DPYD: variants seen among roughly 807,000 people sequenced by gnomAD.
The protein encoded by DPYD is dihydropyrimidine dehydrogenase.
In DPYD, 109 loss-of-function variants were observed where a neutral mutation model predicts 116.2. The ratio of observed to expected loss-of-function variants is 0.94; its 90% CI spans 0.80 to 1.10. The LOEUF is 1.10. DPYD is among the 50% of genes least tolerant of loss of function. The pLI, the probability that DPYD is intolerant of heterozygous loss-of-function variation, is 0.00. For missense variants in DPYD, 1,302 were observed against 1,254.5 expected (o/e 1.04, Z -0.57); for synonymous variants, 440 against 432.0 (o/e 1.02, Z -0.23).
At chr1:97,267,397 T>C (rs929536959) in intron 18 of DPYD, among the ~76,000 whole-genome samples, 7 of 152,160 alleles carry the variant, frequency 4.6e-5, no homozygotes, top group African/African-American at 1.7e-4. Flanking sequence ...GTATCAGTGA[T>C]TGAAGATCAG....
In DPYD at chr1:97,679,143, G is replaced by C. The variant is rs761479700; in HGVS notation, c.802C>G (p.Leu268Val). 27 of 1,592,046 alleles carry C rather than the reference G, an allele frequency of 1.7e-5. No individual in the cohort carries two copies. The highest frequency in any genetic ancestry group is 2.3e-5 in the Non-Finnish European group (27 of 1,167,256). Residue 268 changes from leucine to valine, a missense_variant, in exon 8 of 23, where the codon CTT becomes GTT. Transcript: ENST00000370192. Reference protein sequence around the residue: ...GKSLSVNEMTLSTLKEKGYKA... With the variant: ...GKSLSVNEMTVSTLKEKGYKA... ...TAGCCTTTTTCTTTCAAAGTGCTAAGAGTCATTTCATTCACTGAAAGGCTT... is the reference window on the plus strand; with the variant it reads ...TAGCCTTTTTCTTTCAAAGTGCTAACAGTCATTTCATTCACTGAAAGGCTT...
chr1:97,424,242 T>C (rs1674742832), intron 14 of DPYD, among the ~76,000 whole-genome samples: 2 of 152,088 alleles, frequency 1.3e-5, no homozygotes, highest in Admixed American at 6.6e-5. Flanking sequence ...ATTACACCTA[T>C]AGTAATGGGT....
intron 20 of DPYD, among the ~76,000 whole-genome samples, chr1:97,157,135 G>A (rs915661900): frequency 2.9e-5 from 4 of 137,200 alleles, no homozygotes; most frequent in Admixed American, 7.5e-5. Context: ...GGGGAGGGGG[G>A]AGGATAGCAT....
intron 1 of DPYD, among the ~76,000 whole-genome samples, chr1:97,911,558 G>T (rs1028853028): frequency 7.9e-5 from 12 of 151,888 alleles, no homozygotes; most frequent in Non-Finnish European, 1.5e-5. Context: ...TTACACTCAC[G>T]GACCCTTTCT....
chr1:97,912,290 T>A (rs373475909), intron 1 of DPYD, among the ~76,000 whole-genome samples: 1 of 151,954 alleles, frequency 6.6e-6, no homozygotes, highest in African/African-American at 2.4e-5. Context: ...TAAAAAAAAA[T>A]TGTGCTGAAA....
At chr1:97,712,336 C>T (rs1489759881) in intron 5 of DPYD, among the ~76,000 whole-genome samples, 1 of 152,052 alleles carries the variant, frequency 6.6e-6, no homozygotes, top group South Asian at 2.1e-4. Context: ...TGCCTCTATC[C>T]AGCCCAAAAC....
chr1:97,351,374 C>T (rs901125747), intron 16 of DPYD, among the ~76,000 whole-genome samples: 15 of 151,918 alleles, frequency 9.9e-5, no homozygotes, highest in African/African-American at 2.9e-4. Flanking sequence ...GATGTTCCCA[C>T]GGCGTTTGCA....
At chr1:97,881,320 G>A (rs1361445514) in intron 2 of DPYD, among the ~76,000 whole-genome samples, 1 of 151,940 alleles carries the variant, frequency 6.6e-6, no homozygotes, top group Non-Finnish European at 1.5e-5. Flanking sequence ...ACAAGCCAAG[G>A]AGAGAGGTCT....
intron 8 of DPYD, among the ~76,000 whole-genome samples, chr1:97,612,245 G>A (rs1655992234): frequency 6.6e-6 from 1 of 151,910 alleles, no homozygotes; most frequent in Admixed American, 6.6e-5. Flanking sequence ...AGAACCAGGA[G>A]GCATCTGATC....
chr1:97,734,953 C>G (rs569117643), intron 4 of DPYD, among the ~76,000 whole-genome samples: 1 of 152,112 alleles, frequency 6.6e-6, no homozygotes. Flanking sequence ...TGGAACTGCA[C>G]AGAAACTTTT....
chr1:97,613,771 C>A (rs1342985136), intron 8 of DPYD, among the ~76,000 whole-genome samples: 1 of 151,906 alleles, frequency 6.6e-6, no homozygotes, highest in Non-Finnish European at 1.5e-5. Flanking sequence ...TATGTATTAG[C>A]AAACATCAAT....
intron 14 of DPYD, among the ~76,000 whole-genome samples, chr1:97,387,753 G>C (rs1284439569): frequency 6.6e-6 from 1 of 152,062 alleles, no homozygotes; most frequent in Non-Finnish European, 1.5e-5. Context: ...AGGTGGGAAT[G>C]AGCATGGTAT....
intron 18 of DPYD, among the ~76,000 whole-genome samples, chr1:97,298,269 C>T (rs983636398): frequency 3.9e-5 from 6 of 152,146 alleles, no homozygotes; most frequent in Non-Finnish European, 7.4e-5. Context: ...TAGCAGTGTA[C>T]ATTCTGATAC....
chr1:97,424,982 T>A (rs1366095293), intron 14 of DPYD, among the ~76,000 whole-genome samples: 2 of 152,002 alleles, frequency 1.3e-5, no homozygotes, highest in African/African-American at 4.8e-5. Flanking sequence ...ATATATGAAG[T>A]TATAACAATA....
At chr1:97,798,991 T>C (rs1186422754) in intron 3 of DPYD, among the ~76,000 whole-genome samples, 1 of 152,050 alleles carries the variant, frequency 6.6e-6, no homozygotes. Context: ...TGAATCTCCA[T>C]TTTATACCTA....
At chr1:97,504,898 G>A (rs1647208456) in intron 13 of DPYD, among the ~76,000 whole-genome samples, 2 of 150,486 alleles carry the variant, frequency 1.3e-5, no homozygotes, top group African/African-American at 4.9e-5. Context: ...GCCGGGGGGT[G>A]GGGTGGAGTT....
At chr1:97,885,532 A>G (rs72979790) in intron 1 of DPYD, among the ~76,000 whole-genome samples, 52 of 152,240 alleles carry the variant, frequency 3.4e-4, no homozygotes, top group African/African-American at 1.2e-3. Flanking sequence ...AAAATCAGAA[A>G]AAGTCACTTC....
chr1:97,610,525 A>G (rs1655875245), intron 8 of DPYD, among the ~76,000 whole-genome samples: 1 of 152,052 alleles, frequency 6.6e-6, no homozygotes, highest in South Asian at 2.1e-4. Flanking sequence ...GAACACATCT[A>G]AACTATCATT....
At chr1:97,714,350 C>T (rs1662479251) in intron 5 of DPYD, among the ~76,000 whole-genome samples, 2 of 151,806 alleles carry the variant, frequency 1.3e-5, no homozygotes, top group South Asian at 4.1e-4. Flanking sequence ...GTAGCTGGGA[C>T]TAAAGGTGCA....
Sources: allele counts gnomAD v4.1 joint callset (sites outside exome capture counted in the v4.1 genomes callset), GRCh38; gene constraint gnomAD v4.1.1; transcripts MANE v1.5; gene names NCBI Gene and HGNC (gene_info 2026-07-23, HGNC 2026-07-21).